SLC17A6: variants seen among roughly 807,000 people sequenced by gnomAD.
SLC17A6 encodes the protein vesicular glutamate transporter 2.
In SLC17A6, 35 loss-of-function variants were observed where a neutral mutation model predicts 67.1. The ratio of observed to expected loss-of-function variants is 0.52; its 90% CI spans 0.40 to 0.69. The LOEUF (loss-of-function observed/expected upper bound fraction) is 0.69. Among genes scored for constraint, SLC17A6 ranks in the 30% least tolerant of loss-of-function variants. The pLI, the probability that SLC17A6 is intolerant of heterozygous loss-of-function variation, is 0.00. For synonymous variants in SLC17A6, 285 were observed against 252.3 expected (o/e 1.13, Z -1.23); for missense variants, 588 against 723.9 (o/e 0.81, Z 2.15).
intron 4 of SLC17A6, among the ~76,000 whole-genome samples, chr11:22,359,931 T>C: frequency 6.6e-6 from 1 of 152,148 alleles, no homozygotes; most frequent in East Asian, 1.9e-4. Flanking sequence ...GAGTTTTCAC[T>C]GAAATATTTC....
intron 3 of SLC17A6, among the ~76,000 whole-genome samples, chr11:22,356,877 G>A (rs1013706173): frequency 4.6e-5 from 7 of 152,172 alleles, no homozygotes; most frequent in Non-Finnish European, 7.3e-5. Flanking sequence ...ATTATGCCAT[G>A]ATATTGTATA....
At chr11:22,348,668 G>C (rs1022526222) in intron 3 of SLC17A6, among the ~76,000 whole-genome samples, 1 of 152,114 alleles carries the variant, frequency 6.6e-6, no homozygotes, top group African/African-American at 2.4e-5. Context: ...TTGGGGTTTT[G>C]ACTGATGCAA....
In SLC17A6 at chr11:22,379,100, C is replaced by T. The variant is rs750117903; in HGVS notation, c.*1360C>T. 1 of 152,508 alleles carries T rather than the reference C, an allele frequency of 6.6e-6. No individual in the cohort carries two copies. Among genetic ancestry groups the T allele is most frequent in the Non-Finnish European group, 1.5e-5 (1 of 67,964 alleles). 9.4% of individuals were successfully genotyped at this position (152,508 alleles called of 1,614,324 possible). The stretch of plus-strand genomic sequence containing the variant: ...AAATTTCCTGTCTGTATATTACCTT[C>T]ATTTTGCTTGTAGTAGCTGTTTGGG... On this transcript the variant is annotated 3_prime_UTR_variant, in exon 12 of 12. Transcript: ENST00000263160.
At chr11:22,374,666 T>A in intron 8 of SLC17A6, 89 bp from the exon 9 acceptor site, 1 of 1,093,582 alleles carries the variant, frequency 9.1e-7, no homozygotes, top group East Asian at 2.6e-5. Context: ...TCCATAAAGA[T>A]GTGATGACAG....
intron 1 of SLC17A6, among the ~76,000 whole-genome samples, chr11:22,339,581 A>T (rs1855789144): frequency 6.6e-6 from 1 of 152,192 alleles, no homozygotes; most frequent in African/African-American, 2.4e-5. Context: ...TTTCTTAATA[A>T]TTAGAGCAAA....
intron 8 of SLC17A6, 76 bp downstream of exon 8, chr11:22,370,264 T>C: frequency 8.2e-7 from 1 of 1,225,436 alleles, no homozygotes; most frequent in Admixed American, 2.5e-5. Context: ...TTTGCAAAAA[T>C]TTTTATCTTC....
chr11:22,365,475 T>C, intron 6 of SLC17A6, 72 bp from the exon 7 acceptor site: 1 of 1,453,584 alleles, frequency 6.9e-7, no homozygotes, highest in Admixed American at 1.7e-5. Flanking sequence ...TGTCTTGAGA[T>C]GATTGCAGTT....
At position 22,343,337 on chromosome 11, in the gene SLC17A6, T is replaced by C; in HGVS notation, c.430T>C (p.Tyr144His). Residue 144 changes from tyrosine to histidine, a missense_variant, in exon 3 of 12, where the codon TAC becomes CAC. By Grantham distance (83) the Tyr-to-His change is moderately conservative. Coordinates refer to ENST00000263160, the MANE Select transcript of SLC17A6 (RefSeq NM_020346.3). ...CATCATCACTCAGATTCCGGGAGGC[T>C]ACATCGCGTCTCGGCTGGCAGCCAA... ...GYIITQIPGG[Y>H]IASRLAANRV... The C allele has an allele frequency of 1.2e-6, 2 of 1,612,006 alleles. No homozygotes were observed. Among genetic ancestry groups the C allele is most frequent in the Non-Finnish European group, 1.7e-6 (2 of 1,179,456 alleles).
At chr11:22,345,299 A>G (rs1855864629) in intron 3 of SLC17A6, among the ~76,000 whole-genome samples, 1 of 150,196 alleles carries the variant, frequency 6.7e-6, no homozygotes, top group Non-Finnish European at 1.5e-5. Context: ...TTTATCTGGT[A>G]GATTTTACTC....
At chr11:22,354,603 T>C (rs1590384318) in intron 3 of SLC17A6, among the ~76,000 whole-genome samples, 1 of 152,300 alleles carries the variant, frequency 6.6e-6, no homozygotes, top group East Asian at 1.9e-4. Context: ...CTTTCAAAGT[T>C]TATGTTATTT....
chr11:22,349,077 C>A (rs377554560), intron 3 of SLC17A6, among the ~76,000 whole-genome samples: 1 of 152,080 alleles, frequency 6.6e-6, no homozygotes, highest in Admixed American at 6.6e-5. Flanking sequence ...CACACACACG[C>A]TATTGGTCTG....
At chr11:22,356,798 T>C (rs912142765) in intron 3 of SLC17A6, among the ~76,000 whole-genome samples, 1 of 152,226 alleles carries the variant, frequency 6.6e-6, no homozygotes, top group Admixed American at 6.5e-5. Context: ...ATAGTGCCAC[T>C]GCACTCCAGC....
In SLC17A6 at chr11:22,365,592, A is replaced by G. The variant is rs750593445; in HGVS notation, c.794A>G (p.Tyr265Cys). The change falls in exon 7 of 12, where the codon TAT (tyrosine) becomes TGT (cysteine). Residue 265 changes from tyrosine to cysteine, a missense_variant. This residue lies in a region of SLC17A6 where 414 missense variants were observed against 563.4 expected (regional missense o/e 0.73). Transcript: ENST00000263160. ...VWYMFWLLVS[Y>C]ESPAKHPTIT... Reference sequence around the variant, plus strand: ...TACATGTTTTGGCTTTTGGTGTCTTATGAAAGTCCTGCAAAGCATCCTACT... The same window carrying G: ...TACATGTTTTGGCTTTTGGTGTCTTGTGAAAGTCCTGCAAAGCATCCTACT... The G allele has an allele frequency of 1.9e-6, 3 of 1,614,050 alleles. No individual in the cohort carries two copies. Among genetic ancestry groups the G allele is most frequent in the Non-Finnish European group, 2.5e-6 (3 of 1,179,932 alleles).
At chr11:22,372,576 A>G (rs1856185815) in intron 8 of SLC17A6, among the ~76,000 whole-genome samples, 1 of 152,038 alleles carries the variant, frequency 6.6e-6, no homozygotes, top group Non-Finnish European at 1.5e-5. Flanking sequence ...TTAGGGGAGG[A>G]GAAGAACAGT....
At chr11:22,346,448 G>A (rs1855876623) in intron 3 of SLC17A6, among the ~76,000 whole-genome samples, 1 of 152,100 alleles carries the variant, frequency 6.6e-6, no homozygotes, top group Admixed American at 6.6e-5. Context: ...GGAAGAGTCA[G>A]GAGGGGAGTA....
intron 2 of SLC17A6, among the ~76,000 whole-genome samples, chr11:22,342,447 C>A (rs148409886): frequency 1.3e-5 from 2 of 152,212 alleles, no homozygotes; most frequent in African/African-American, 4.8e-5. Flanking sequence ...ATCCGGGAGA[C>A]CTTGCAAGAT....
rs7112795 is a variant in SLC17A6, at chr11:22,355,806, G to A, written c.459-3607G>A. On this transcript the variant is annotated intron_variant, in intron 3 of 11. Transcript: ENST00000263160. ...CTGAGCCATTCCTTGTTTTTGGAAAGTCTTTCTTCTTTTTTATATTAATCT... is the reference window on the plus strand; with the variant it reads ...CTGAGCCATTCCTTGTTTTTGGAAAATCTTTCTTCTTTTTTATATTAATCT... 8.6e-3 allele frequency among the ~76,000 whole-genome samples: 1,309 copies of A among 152,294 alleles called. 19 individuals carry two copies. Among genetic ancestry groups the A allele is most frequent in the African/African-American group, 0.03 (1,243 of 41,560 alleles).
At chr11:22,360,833 C>G in intron 4 of SLC17A6, 64 bp from the exon 5 acceptor site, 3 of 1,411,688 alleles carry the variant, frequency 2.1e-6, no homozygotes, top group South Asian at 1.2e-5. Context: ...AGGATTTGTA[C>G]AGGATACTAA....
rs1855779085 is a variant in SLC17A6 at position 22,339,146 on chromosome 11, TATATA to T, written c.86+528_86+532del. On this transcript the variant is annotated intron_variant, in intron 1 of 11. Transcript: ENST00000263160. ...ATATATATGTTATATATATATGTTATATATAGTTATATATATATGTTATATATATA... is the reference window on the plus strand; with the variant it reads ...ATATATATGTTATATATATATGTTATGTTATATATATATGTTATATATATA... Among the ~76,000 whole-genome samples, 13 of 52,294 alleles carry T rather than the reference TATATA, an allele frequency of 2.5e-4. 2 individuals are homozygous for T. In the East Asian group the frequency reaches 6.5e-3, roughly 26 times the overall value. The allele number at this position is 52,294 out of a possible 152,430, so 34.3% of individuals were successfully genotyped here.
Sources: allele counts gnomAD v4.1 joint callset (sites outside exome capture counted in the v4.1 genomes callset), GRCh38; gene constraint gnomAD v4.1.1; regional missense constraint gnomAD v4.1.1; transcripts MANE v1.5; gene names NCBI Gene and HGNC (gene_info 2026-07-23, HGNC 2026-07-21).